The following PARD3B variants were observed in gnomAD, a reference collection of about 807,000 sequenced individuals.
The protein encoded by PARD3B is partitioning defective 3 homolog B.
In PARD3B, 103 loss-of-function variants were observed where a neutral mutation model predicts 130.2. That is an observed-to-expected ratio of 0.79 (90% CI 0.67 to 0.93). PARD3B has a LOEUF of 0.93. Ranked by LOEUF, PARD3B falls within the 40% of genes least tolerant of loss-of-function variation. The pLI is 0.00. For missense variants in PARD3B, 1,609 were observed against 1,499.2 expected (o/e 1.07, Z -1.21); for synonymous variants, 583 against 553.2 (o/e 1.05, Z -0.76).
At chr2:205,113,196 T>C (rs575195284) in intron 5 of PARD3B, among the ~76,000 whole-genome samples, 1 of 152,178 alleles carries the variant, frequency 6.6e-6, no homozygotes, top group African/African-American at 2.4e-5. Context: ...TTTTAAAATA[T>C]GTTGATTTAT....
At chr2:204,831,824 T>TA (rs1330793350) in intron 2 of PARD3B, among the ~76,000 whole-genome samples, 1 of 152,140 alleles carries the variant, frequency 6.6e-6, no homozygotes, top group Non-Finnish European at 1.5e-5. Context: ...GATTTTTTTT[T>TA]ATACAATATA....
intron 1 of PARD3B, among the ~76,000 whole-genome samples, chr2:204,568,570 G>A (rs2031812385): frequency 6.6e-6 from 1 of 152,176 alleles, no homozygotes; most frequent in Non-Finnish European, 1.5e-5. Context: ...TTTCTCTGAA[G>A]CAGCAATTAC....
rs1322597681 is a variant in PARD3B at position 205,044,258 on chromosome 2, A to G, written c.395-3323A>G. On this transcript the variant is annotated intron_variant, in intron 3 of 22. Transcript: ENST00000406610. ...CTTTGCTATTGTGAATAATGCCGCAATAAACATACGTGTGCATGTGTCTTT... is the reference window on the plus strand; with the variant it reads ...CTTTGCTATTGTGAATAATGCCGCAGTAAACATACGTGTGCATGTGTCTTT... Among the ~76,000 whole-genome samples the G allele has an allele frequency of 4.0e-5, 6 of 148,686 alleles. No individual in the cohort carries two copies. In the East Asian group the frequency reaches 9.8e-4, roughly 24 times the overall value.
rs189066420 is a variant in PARD3B, at chr2:205,204,023, A to G, written c.2140+10703A>G. Among the ~76,000 whole-genome samples the G allele has an allele frequency of 8.0e-3, 1,218 of 152,282 alleles. 17 individuals carry two copies. Among genetic ancestry groups the G allele is most frequent in the African/African-American group, 0.014 (570 of 41,560 alleles). ...TCTGGTTCTGGATCCTTGAGGAATC[A>G]CCACACTGTCTTCCACAATGGCTGA... is the stretch of plus-strand genomic sequence containing the variant. On this transcript the variant is annotated intron_variant, in intron 15 of 22. Coordinates refer to ENST00000406610, the MANE Select transcript of PARD3B (RefSeq NM_001302769.2).
intron 22 of PARD3B, among the ~76,000 whole-genome samples, chr2:205,555,974 G>C (rs1026887023): frequency 1.9e-4 from 29 of 152,154 alleles, no homozygotes; most frequent in Admixed American, 1.7e-3. Context: ...CTTCTGAAAA[G>C]GTATGCAGAT....
chr2:205,605,445 C>T (rs1391989154), intron 22 of PARD3B, among the ~76,000 whole-genome samples: 3 of 151,958 alleles, frequency 2.0e-5, no homozygotes, highest in African/African-American at 7.3e-5. Context: ...TTGTTGCTTC[C>T]TTTTAGTTGT....
rs1190218218 is a variant in PARD3B, at chr2:205,564,054, C to T, written c.3260+10651C>T. Among the ~76,000 whole-genome samples the T allele has an allele frequency of 6.6e-6, 1 of 152,194 alleles. No homozygotes were observed. The highest frequency in any genetic ancestry group is 2.4e-5 in the African/African-American group (1 of 41,446). ...AATCCTGATATAAATATTATCATCCCTATTTTATGGATGAAGAAACTGAGA... is the reference window on the plus strand; with the variant it reads ...AATCCTGATATAAATATTATCATCCTTATTTTATGGATGAAGAAACTGAGA... On this transcript the variant is annotated intron_variant, in intron 22 of 22. Coordinates refer to ENST00000406610, the MANE Select transcript of PARD3B (RefSeq NM_001302769.2). This position sits in a 1 kb window ranked among gnomAD's most constrained non-coding sequence, Gnocchi z 4.6.
chr2:205,299,561 T>TTATATATATA (rs1289898796), intron 16 of PARD3B, among the ~76,000 whole-genome samples: 1 of 17,222 alleles, frequency 5.8e-5, no homozygotes, highest in Non-Finnish European at 1.9e-4. Flanking sequence ...ATATTATATA[T>TTATATATATA]TATATATATA....
Position 205,176,473 on chromosome 2 carries a change from A to T in PARD3B, c.1820A>T (p.Lys607Met). The change falls in exon 13 of 23, where the codon AAG becomes ATG. Residue 607 changes from lysine to methionine, a missense_variant. Coordinates refer to ENST00000406610, the MANE Select transcript of PARD3B (RefSeq NM_001302769.2). This position sits in a 1 kb window ranked among gnomAD's most constrained non-coding sequence, Gnocchi z 5.3. ...CCTGCAGAGTGTGGGGCATTTTCCA[A>T]GCCATGCTTTGAGAACTGTCAAAAT... The part of the protein sequence containing the change: ...EDPAECGAFS[K>M]PCFENCQNAV... The T allele has an allele frequency of 6.2e-7, 1 of 1,611,200 alleles. No individual in the cohort carries two copies. The highest frequency in any genetic ancestry group is 8.5e-7 in the Non-Finnish European group (1 of 1,178,884).
rs544277935 is a variant in PARD3B at position 205,203,695 on chromosome 2, A to T, written c.2140+10375A>T. On this transcript the variant is annotated intron_variant, in intron 15 of 22. Transcript: ENST00000406610. ...TCAACTGCCACTTATGAGTGAGAAC[A>T]TGCGGTATTTAGTTTTCTGTTCCTG... 3.0e-4 allele frequency among the ~76,000 whole-genome samples: 45 copies of T among 152,240 alleles called. 1 individual carries two copies. The South Asian group carries it at 8.7e-3, about 29-fold the overall frequency.
chr2:204,891,868 G>A (rs115735037), intron 2 of PARD3B, among the ~76,000 whole-genome samples: 2,684 of 152,284 alleles, frequency 0.018, 89 homozygotes, highest in African/African-American at 0.06. Context: ...CTGGCTCTGT[G>A]TTTATGCATC....
chr2:204,978,415 C>T (rs910954295), intron 3 of PARD3B, among the ~76,000 whole-genome samples: 29 of 152,104 alleles, frequency 1.9e-4, no homozygotes, highest in Admixed American at 5.2e-4. Flanking sequence ...TGCAACAGTT[C>T]TCACCCCTTT....
chr2:205,520,183 T>C (rs2050976563), intron 21 of PARD3B, among the ~76,000 whole-genome samples: 1 of 152,126 alleles, frequency 6.6e-6, no homozygotes, highest in Admixed American at 6.5e-5. Context: ...AAGCCTCTGC[T>C]CCAGAGAGAT....
chr2:204,749,414 A>G (rs981230243), intron 2 of PARD3B, among the ~76,000 whole-genome samples: 1 of 152,090 alleles, frequency 6.6e-6, no homozygotes, highest in African/African-American at 2.4e-5. Flanking sequence ...CATTTTTAGG[A>G]TATCTCACAA....
chr2:205,149,452 C>T (rs189501940), intron 10 of PARD3B, among the ~76,000 whole-genome samples: 1 of 152,170 alleles, frequency 6.6e-6, no homozygotes, highest in African/African-American at 2.4e-5. Flanking sequence ...TACCACCCGT[C>T]CTCCTCTGTT....
rs571234542 is a variant in PARD3B, at chr2:205,321,119, A to G, written c.2630+19418A>G. Among the ~76,000 whole-genome samples, 1 of 152,206 alleles carries G rather than the reference A, an allele frequency of 6.6e-6. No individual in the cohort carries two copies. Among genetic ancestry groups the G allele is most frequent in the Non-Finnish European group, 1.5e-5 (1 of 68,030 alleles). On this transcript the variant is annotated intron_variant, in intron 18 of 22. Transcript: ENST00000406610. This position sits in a 1 kb window ranked among gnomAD's most constrained non-coding sequence, Gnocchi z 4.2. ...TAAATAATTGATGATAACTGTAGCT[A>G]AAACATTAATATAGTTTAGAGATGA...
intron 1 of PARD3B, among the ~76,000 whole-genome samples, chr2:204,640,625 A>T (rs2216317): frequency 6.6e-6 from 1 of 151,958 alleles, no homozygotes. Context: ...GATTTTGTCA[A>T]CCTTGCCTAC....
At position 205,461,077 on chromosome 2, in the gene PARD3B, A is replaced by G. The variant is rs1211803069; in HGVS notation, c.3044+20405A>G. On this transcript the variant is annotated intron_variant, in intron 20 of 22. Transcript: ENST00000406610. The surrounding 1 kb of genome is among the most constrained non-coding windows in gnomAD (Gnocchi z 4.3). ...AGATTTAGACACAGTCCTTACTTTCATGGAACTTAAGACCTACAGGAGGAG... is the reference window on the plus strand; with the variant it reads ...AGATTTAGACACAGTCCTTACTTTCGTGGAACTTAAGACCTACAGGAGGAG... Among the ~76,000 whole-genome samples the G allele has an allele frequency of 1.3e-5, 2 of 152,208 alleles. No individual in the cohort carries two copies. Among genetic ancestry groups the G allele is most frequent in the African/African-American group, 4.8e-5 (2 of 41,450 alleles).
intron 11 of PARD3B, among the ~76,000 whole-genome samples, chr2:205,163,976 G>A (rs1285879327): frequency 6.6e-6 from 1 of 152,170 alleles, no homozygotes; most frequent in Non-Finnish European, 1.5e-5. Flanking sequence ...ACCAGATAAT[G>A]TGAGAATGTC....
Sources: gnomAD v4.1 joint callset for allele counts (sites outside exome capture counted in the v4.1 genomes callset) on GRCh38, gnomAD v4.1.1 for gene constraint, Gnocchi (gnomAD v3.1) non-coding constraint, MANE v1.5 for transcripts, NCBI Gene and HGNC (gene_info 2026-07-23, HGNC 2026-07-21) for gene names.